The following ACTMAP variants were observed in gnomAD, a reference collection of about 807,000 sequenced individuals.
The protein encoded by ACTMAP is UPF0692 protein C19orf54.
chr19:40,741,734 C>T, the ACTMAP span: 8 of 456,602 alleles, frequency 1.8e-5, no homozygotes, highest in East Asian at 5.6e-4. Context: ...CCAGTGATTC[C>T]ACTTCTCCAG....
the ACTMAP span, among the ~76,000 whole-genome samples, chr19:40,743,579 T>C: frequency 6.6e-6 from 1 of 152,064 alleles, no homozygotes. Flanking sequence ...AAGGCAGCCT[T>C]ATGAGGTGGG....
chr19:40,741,871 A>C, the ACTMAP span: 3 of 455,756 alleles, frequency 6.6e-6, no homozygotes, highest in Admixed American at 4.7e-5. Context: ...AAAACTGTGA[A>C]GACATGAGGT....
chr19:40,749,844 G>A, the ACTMAP span: 1 of 1,332,976 alleles, frequency 7.5e-7, no homozygotes, highest in Non-Finnish European at 9.9e-7. Flanking sequence ...CAGAAAGCGG[G>A]GAGGGAAGGA....
At chr19:40,743,038 C>T in the ACTMAP span, among the ~76,000 whole-genome samples, 2 of 152,216 alleles carry the variant, frequency 1.3e-5, no homozygotes. Flanking sequence ...TGCCGTCACC[C>T]GGTCATCCTC....
chr19:40,747,583 G>A, the ACTMAP span, among the ~76,000 whole-genome samples: 3,026 of 151,934 alleles, frequency 0.02, 39 homozygotes, highest in Non-Finnish European at 0.029. Context: ...GGCTGGGTGC[G>A]GTGGCTAACG....
At chr19:40,744,934 C>T in the ACTMAP span, 6 of 804,998 alleles carry the variant, frequency 7.5e-6, no homozygotes, top group South Asian at 1.7e-5. Flanking sequence ...CAGGCTCATT[C>T]GTTCATTCCT....
At chr19:40,744,136 C>A in the ACTMAP span, 1 of 1,612,212 alleles carries the variant, frequency 6.2e-7, no homozygotes, top group African/African-American at 1.3e-5. Context: ...GCCCAGGCCA[C>A]CAGAGAGCAG....
chr19:40,741,964 GA>G, the ACTMAP span: 1 of 440,486 alleles, frequency 2.3e-6, no homozygotes, highest in Non-Finnish European at 4.6e-6. Flanking sequence ...GTTAAGGAGT[GA>G]TCCGCAGCAG....
At chr19:40,743,568 C>T in the ACTMAP span, among the ~76,000 whole-genome samples, 1 of 152,160 alleles carries the variant, frequency 6.6e-6, no homozygotes, top group Admixed American at 6.5e-5. Flanking sequence ...GCTCTGCCTA[C>T]AAGGCAGCCT....
the ACTMAP span, chr19:40,742,206 G>A: frequency 1.4e-6 from 1 of 692,848 alleles, no homozygotes; most frequent in Non-Finnish European, 2.6e-6. Flanking sequence ...AGAAACAGAC[G>A]ATGCGACATT....
At chr19:40,743,407 A>AT in the ACTMAP span, among the ~76,000 whole-genome samples, 2 of 151,868 alleles carry the variant, frequency 1.3e-5, no homozygotes, top group Non-Finnish European at 2.9e-5. Flanking sequence ...TAATTTTTGT[A>AT]TTTTTAGTAG....
chr19:40,742,995 G>A, the ACTMAP span, among the ~76,000 whole-genome samples: 1 of 152,138 alleles, frequency 6.6e-6, no homozygotes, highest in South Asian at 2.1e-4. Context: ...CTGAGCACAG[G>A]GGAGGTGGGG....
chr19:40,744,649 G>A, the ACTMAP span: 6 of 1,613,214 alleles, frequency 3.7e-6, no homozygotes, highest in African/African-American at 8.0e-5. Flanking sequence ...GGCGACAGGA[G>A]AGTACCTGCC....
At chr19:40,744,312 T>C in the ACTMAP span, 2 of 1,412,074 alleles carry the variant, frequency 1.4e-6, no homozygotes, top group Non-Finnish European at 1.9e-6. Flanking sequence ...TTGGTACAAA[T>C]GCAGAAAATG....
the ACTMAP span, chr19:40,742,092 AGCTGAG>A: frequency 1.9e-6 from 1 of 528,100 alleles, no homozygotes; most frequent in South Asian, 1.5e-5. Context: ...AGGAGGGGTG[AGCTGAG>A]GCTGACGCAG....
the ACTMAP span, chr19:40,741,039 G>A: frequency 2.5e-6 from 1 of 398,796 alleles, no homozygotes; most frequent in Admixed American, 4.4e-5. Flanking sequence ...GGGACACAGT[G>A]GTGAGCAAGG....
chr19:40,746,095 C>T, the ACTMAP span, among the ~76,000 whole-genome samples: 6 of 152,224 alleles, frequency 3.9e-5, no homozygotes, highest in East Asian at 1.2e-3. Context: ...CTTAACTGAA[C>T]TTTGAATAAA....
At chr19:40,749,402 G>T in the ACTMAP span, 1 of 1,383,398 alleles carries the variant, frequency 7.2e-7, no homozygotes, top group African/African-American at 1.5e-5. Context: ...GAGGACACGG[G>T]AACCCCCCCC....
At chr19:40,745,757 C>T in the ACTMAP span, among the ~76,000 whole-genome samples, 1 of 152,212 alleles carries the variant, frequency 6.6e-6, no homozygotes, top group Non-Finnish European at 1.5e-5. Flanking sequence ...ACTGCAACCC[C>T]TACCTCCCGG....
Sources: allele counts gnomAD v4.1 joint callset (sites outside exome capture counted in the v4.1 genomes callset), GRCh38; gene constraint gnomAD v4.1.1; transcripts MANE v1.5; gene names NCBI Gene and HGNC (gene_info 2026-07-23, HGNC 2026-07-21).